The following MGAT4C variants were observed in gnomAD, a reference collection of about 807,000 sequenced individuals.
MGAT4C encodes the protein MGAT4 family member C.
A neutral mutation model predicts 40.1 loss-of-function variants in MGAT4C; 19 were observed. The observed-to-expected ratio is 0.47, with a 90% CI of 0.33 to 0.70. The LOEUF (loss-of-function observed/expected upper bound fraction) is 0.70, where lower values mean the gene tolerates loss of function less well. MGAT4C is among the 30% of genes least tolerant of loss of function. MGAT4C has a pLI of 0.02. For missense variants in MGAT4C, 491 were observed against 563.2 expected, an observed-to-expected ratio of 0.87 and a Z score of 1.30; for synonymous variants, 181 against 187.1, an observed-to-expected ratio of 0.97 and a Z score of 0.27.
chr12:86,358,704 C>T (rs1955376885), intron 3 of MGAT4C, among the ~76,000 whole-genome samples: 1 of 152,064 alleles, frequency 6.6e-6, no homozygotes, highest in Non-Finnish European at 1.5e-5. Context: ...AGACTTTAAA[C>T]CAACAAAGAC....
At chr12:86,240,037 AATAAAAAAT>A (rs1183302679) in intron 1 of MGAT4C, among the ~76,000 whole-genome samples, 6 of 32,982 alleles carry the variant, frequency 1.8e-4, no homozygotes, top group Admixed American at 3.7e-4. Flanking sequence ...AAAAAAAAAA[AATAAAAAAT>A]AAAATAAAAT....
chr12:86,471,167 C>G (rs567713374), intron 2 of MGAT4C, among the ~76,000 whole-genome samples: 1 of 151,838 alleles, frequency 6.6e-6, no homozygotes, highest in Admixed American at 6.6e-5. Flanking sequence ...GAAATATGAA[C>G]CTTCAGGAAT....
intron 2 of MGAT4C, among the ~76,000 whole-genome samples, chr12:86,630,444 C>T (rs565127508): frequency 6.6e-6 from 1 of 152,020 alleles, no homozygotes; most frequent in South Asian, 2.1e-4. Flanking sequence ...GGCAGAGACA[C>T]ACAAAAAAAG....
chr12:86,556,158 G>A lies in MGAT4C; in HGVS notation c.-228-120893C>T, dbSNP rs141796724. On this transcript the variant is annotated intron_variant, in intron 2 of 7. Transcript: ENST00000548651. ...GATGTTGCTCTGCTAACCACTTAGC[G>A]AGACTTGAGTGACCATTGTTAAATA... 7.2e-5 allele frequency among the ~76,000 whole-genome samples: 11 copies of A among 152,132 alleles called. 1 individual carries two copies. The highest frequency in any genetic ancestry group is 2.6e-4 in the Admixed American group (4 of 15,274).
intron 3 of MGAT4C, among the ~76,000 whole-genome samples, chr12:86,385,374 A>G (rs1474763888): frequency 2.6e-5 from 4 of 152,142 alleles, no homozygotes; most frequent in Admixed American, 6.5e-5. Flanking sequence ...AAATCTACGT[A>G]TATACTCTTT....
At chr12:86,405,355 G>A (rs1956443684) in intron 3 of MGAT4C, among the ~76,000 whole-genome samples, 1 of 151,870 alleles carries the variant, frequency 6.6e-6, no homozygotes, top group Admixed American at 6.6e-5. Context: ...TGAACTAGTG[G>A]ACACCAAAAC....
At chr12:86,013,795 C>A in intron 2 of MGAT4C, 1 of 926,810 alleles carries the variant, frequency 1.1e-6, no homozygotes, top group Non-Finnish European at 1.3e-6. Flanking sequence ...TCTTAGTAAA[C>A]TCTTTTCTCT....
chr12:86,108,948 G>T (rs1876715394), intron 1 of MGAT4C, among the ~76,000 whole-genome samples: 1 of 151,904 alleles, frequency 6.6e-6, no homozygotes, highest in South Asian at 2.1e-4. Context: ...ACCTTCACAA[G>T]AAATAAAATC....
intron 1 of MGAT4C, among the ~76,000 whole-genome samples, chr12:86,191,085 A>ACG (rs1889362017): frequency 1.2e-3 from 1 of 840 alleles, no homozygotes; most frequent in Non-Finnish European, 2.7e-3. Context: ...CTCTCTCTGC[A>ACG]CACACACACA....
At chr12:86,589,169 GA>G (rs1255574072) in intron 2 of MGAT4C, among the ~76,000 whole-genome samples, 3 of 151,572 alleles carry the variant, frequency 2.0e-5, no homozygotes, top group Non-Finnish European at 4.4e-5. Context: ...GACTAATAAA[GA>G]AAAAAAGAGA....
At chr12:86,813,493 A>AT (rs1385728493) in intron 1 of MGAT4C, among the ~76,000 whole-genome samples, 4 of 151,778 alleles carry the variant, frequency 2.6e-5, no homozygotes, top group Non-Finnish European at 4.4e-5. Flanking sequence ...TTTCAAACAC[A>AT]TTTTTTTCAT....
chr12:86,511,607 A>T (rs1330556730), intron 2 of MGAT4C, among the ~76,000 whole-genome samples: 1 of 152,178 alleles, frequency 6.6e-6, no homozygotes, highest in Non-Finnish European at 1.5e-5. Context: ...ACAAATATAC[A>T]GTCAACTGAT....
At chr12:86,329,279 C>G (rs958383051) in intron 4 of MGAT4C, among the ~76,000 whole-genome samples, 1 of 151,956 alleles carries the variant, frequency 6.6e-6, no homozygotes, top group Non-Finnish European at 1.5e-5. Flanking sequence ...CGTGGTGGCT[C>G]ACGCCTGTAA....
intron 2 of MGAT4C, among the ~76,000 whole-genome samples, chr12:86,694,047 A>C (rs1300918958): frequency 6.6e-6 from 1 of 152,208 alleles, no homozygotes; most frequent in Non-Finnish European, 1.5e-5. Flanking sequence ...ATACACTTTT[A>C]ACATGTAGCT....
intron 1 of MGAT4C, among the ~76,000 whole-genome samples, chr12:86,128,528 A>G (rs1405884400): frequency 6.6e-6 from 1 of 152,158 alleles, no homozygotes; most frequent in Admixed American, 6.5e-5. Flanking sequence ...GTGGAACTGT[A>G]AGTCCCATTA....
intron 2 of MGAT4C, among the ~76,000 whole-genome samples, chr12:86,621,408 C>T (rs1030657417): frequency 5.3e-5 from 8 of 152,138 alleles, no homozygotes; most frequent in Non-Finnish European, 1.2e-4. Flanking sequence ...TGAGTGACCA[C>T]AACTTACTAT....
At chr12:86,406,679 C>A (rs1206415435) in intron 3 of MGAT4C, among the ~76,000 whole-genome samples, 1 of 151,706 alleles carries the variant, frequency 6.6e-6, no homozygotes, top group Non-Finnish European at 1.5e-5. Flanking sequence ...TAAAATGGTA[C>A]AACCACTCTG....
chr12:86,321,173 T>C (rs1954376486), intron 4 of MGAT4C, among the ~76,000 whole-genome samples: 1 of 152,108 alleles, frequency 6.6e-6, no homozygotes. Context: ...TTACCCAACA[T>C]TCTCTAAAAT....
chr12:85,977,885 C>T lies in MGAT4C; in HGVS notation c.*1404G>A, dbSNP rs1252251038. ...GAGTTTCTTAAACATATATGAAGCA[C>T]CTTCCATTTCCCTTTATAATAAATC... On this transcript the variant is annotated 3_prime_UTR_variant, in exon 5 of 5. Transcript: ENST00000611864. 6.6e-6 allele frequency: 1 copy of T among 150,470 alleles called. No homozygotes were observed. The highest frequency in any genetic ancestry group is 2.0e-4 in the East Asian group (1 of 5,116). The allele number at this position is 150,470 out of a possible 1,614,324, so 9.3% of individuals were successfully genotyped here. A position where few individuals can be genotyped will look rare whatever the true frequency, so the allele number is the denominator to read the frequency against.
Sources: allele counts gnomAD v4.1 joint callset (sites outside exome capture counted in the v4.1 genomes callset), GRCh38; gene constraint gnomAD v4.1.1; transcripts MANE v1.5; gene names NCBI Gene and HGNC (gene_info 2026-07-23, HGNC 2026-07-21).